Variants in IDH2 observed in about 807,000 individuals in gnomAD.
IDH2 encodes isocitrate dehydrogenase (NADP(+)) 2.
IDH2 carries 18 observed loss-of-function variants against 50.5 expected under a neutral mutation model. The ratio of observed to expected loss-of-function variants is 0.36; its 90% CI spans 0.25 to 0.53. The LOEUF is 0.53. Ranked by LOEUF, IDH2 falls within the 20% of genes least tolerant of loss-of-function variation. The pLI, the probability that IDH2 is intolerant of heterozygous loss-of-function variation, is 0.92. For missense variants in IDH2, 518 were observed against 610.7 expected (o/e 0.85, Z 1.60); for synonymous variants, 280 against 239.8 (o/e 1.17, Z -1.55).
intron 5 of IDH2, among the ~76,000 whole-genome samples, chr15:90,088,015 G>GA (rs1281816996): frequency 1.3e-5 from 2 of 151,774 alleles, no homozygotes; most frequent in Non-Finnish European, 2.9e-5. Flanking sequence ...TGGAACTGGG[G>GA]ATAAAGAGGC....
chr15:90,099,414 A>T (rs777480254), intron 1 of IDH2, among the ~76,000 whole-genome samples: 5 of 152,056 alleles, frequency 3.3e-5, no homozygotes, highest in Non-Finnish European at 7.3e-5. Flanking sequence ...TGGCTGCCCT[A>T]TACAAACTTT....
At chr15:90,087,084 C>A (rs769097040) in intron 7 of IDH2, 28 bp downstream of exon 7, 4 of 1,613,314 alleles carry the variant, frequency 2.5e-6, no homozygotes, top group South Asian at 1.1e-5. Flanking sequence ...AGTCCACCCC[C>A]ACAGGGAGCA....
At chr15:90,092,857 G>C (rs887040354) in intron 1 of IDH2, among the ~76,000 whole-genome samples, 1 of 152,212 alleles carries the variant, frequency 6.6e-6, no homozygotes, top group African/African-American at 2.4e-5. Context: ...GGGATTACAG[G>C]CGTGAGCCAC....
rs542234186 is a variant in IDH2 at position 90,089,018 on chromosome 15, G to A, written c.374-271C>T. On this transcript the variant is annotated intron_variant, in intron 3 of 10. Coordinates refer to ENST00000330062, the MANE Select transcript of IDH2 (RefSeq NM_002168.4). ...CAACCTCTGCCTCCTGGGTTCAAGC[G>A]GTTCTCCTGCCTCAGCCTCCCGAGC... 4.0e-5 allele frequency among the ~76,000 whole-genome samples: 6 copies of A among 150,280 alleles called. No individual in the cohort carries two copies. The East Asian group carries it at 5.9e-4, about 15-fold the overall frequency.
chr15:90,084,477 ACAGGCCAGAGGCC>A lies in IDH2; in HGVS notation c.1272-137_1272-125del. 1.1e-6 allele frequency: 1 copy of A among 884,686 alleles called. No homozygotes were observed. Among genetic ancestry groups the A allele is most frequent in the Non-Finnish European group, 1.8e-6 (1 of 549,954 alleles). 54.8% of individuals were successfully genotyped at this position (884,686 alleles called of 1,614,324 possible). ...ACAGCCATCTCCTGCCACCCAGACT[ACAGGCCAGAGGCC>A]AGCTATAGCCCCCTACCATGAGGCC... On this transcript the variant is annotated intron_variant, in intron 10 of 10. Transcript: ENST00000330062. The surrounding 1 kb of genome is among the most constrained non-coding windows in gnomAD (Gnocchi z 5.0).
rs1372331763 is a variant in IDH2, at chr15:90,085,731, C to T, written c.968-344G>A. 6.6e-6 allele frequency among the ~76,000 whole-genome samples: 1 copy of T among 152,258 alleles called. No individual in the cohort carries two copies. The highest frequency in any genetic ancestry group is 1.5e-5 in the Non-Finnish European group (1 of 68,048). The stretch of plus-strand genomic sequence containing the variant: ...CCACAGCCTGCCACCCAGCCTGGCT[C>T]GTGACCCGGAGGCACATTCAAGGAA... On this transcript the variant is annotated intron_variant, in intron 7 of 10. Transcript: ENST00000330062. This position sits in a 1 kb window ranked among gnomAD's most constrained non-coding sequence, Gnocchi z 5.5.
rs367982647 is a variant in IDH2, at chr15:90,088,397, C to T, written c.640G>A (p.Ala214Thr). 39 of 1,614,028 alleles carry T rather than the reference C, an allele frequency of 2.4e-5. 1 individual carries two copies. Among genetic ancestry groups the T allele is most frequent in the South Asian group, 1.3e-4 (12 of 91,088 alleles). ...VKEWEVYNFPAGGVGMGMYNT... is the reference protein window; with the variant it reads ...VKEWEVYNFPTGGVGMGMYNT... ...TACATGCCCATGCCCACGCCGCCTG[C>T]GGGGAAGTTGTACACTTCCCACTCC... Residue 214 changes from alanine (A) to threonine (T), a missense_variant, in exon 5 of 11, where the codon GCA (alanine) becomes ACA (threonine). Around this residue, in one of 5 missense-constraint regions of IDH2, gnomAD observed 207 missense variants for 208.6 expected, o/e 0.99. Transcript: ENST00000330062.
In IDH2 at chr15:90,100,638, A is replaced by G; in HGVS notation, c.115+1638T>C. Reference sequence around the variant, plus strand: ...TTGCAAAATAGGAAAAGATGCGTGCAGGAATTACCAGGCAGCAAAGACACG... The same window carrying G: ...TTGCAAAATAGGAAAAGATGCGTGCGGGAATTACCAGGCAGCAAAGACACG... On this transcript the variant is annotated intron_variant, in intron 1 of 10. Transcript: ENST00000330062. This position sits in a 1 kb window ranked among gnomAD's most constrained non-coding sequence, Gnocchi z 4.1. The G allele has an allele frequency of 1.0e-6, 1 of 985,438 alleles. No homozygotes were observed. The allele number at this position is 985,438 out of a possible 1,614,324, so 61.0% of individuals were successfully genotyped here.
Position 90,088,751 on chromosome 15 carries a change from T to C in IDH2, c.374-4A>G. On this transcript the variant is annotated splice_region_variant and splice_polypyrimidine_tract_variant and intron_variant, in intron 3 of 10. Coordinates refer to ENST00000330062, the MANE Select transcript of IDH2 (RefSeq NM_002168.4). ...CACATCTTCTTCAGCTTGAACTCTG[T>C]GAGGACAGAGATAATAGTGGTCCCA... is the stretch of plus-strand genomic sequence containing the variant. 2 of 1,613,980 alleles carry C rather than the reference T, an allele frequency of 1.2e-6. No individual in the cohort carries two copies. Among genetic ancestry groups the C allele is most frequent in the Non-Finnish European group, 1.7e-6 (2 of 1,180,014 alleles).
At chr15:90,097,149 T>G (rs1237765636) in intron 1 of IDH2, among the ~76,000 whole-genome samples, 5 of 152,220 alleles carry the variant, frequency 3.3e-5, no homozygotes, top group African/African-American at 1.2e-4. Context: ...TTTATTTCCA[T>G]GACGTCAGTT....
At chr15:90,091,002 G>A (rs189225369) in intron 2 of IDH2, among the ~76,000 whole-genome samples, 5 of 152,176 alleles carry the variant, frequency 3.3e-5, no homozygotes, top group Non-Finnish European at 7.3e-5. Flanking sequence ...CTTCTCAAGT[G>A]CTTTGAGATC....
chr15:90,087,363 G>A (rs1900887104), intron 6 of IDH2, 76 bp downstream of exon 6: 6 of 1,611,944 alleles, frequency 3.7e-6, no homozygotes, highest in South Asian at 3.3e-5. Flanking sequence ...CTCTAATAGC[G>A]ACCTTCCCAG....
In IDH2 at chr15:90,085,162, C is replaced by T. The variant is rs1239717083; in HGVS notation, c.1081-64G>A. 4.5e-6 allele frequency: 7 copies of T among 1,560,308 alleles called. No individual in the cohort carries two copies. Among genetic ancestry groups the T allele is most frequent in the Non-Finnish European group, 6.2e-6 (7 of 1,133,436 alleles). On this transcript the variant is annotated intron_variant, in intron 8 of 10. Coordinates refer to ENST00000330062, the MANE Select transcript of IDH2 (RefSeq NM_002168.4). This position sits in a 1 kb window ranked among gnomAD's most constrained non-coding sequence, Gnocchi z 5.5. ...AGCTAGTGAGGAGGCTGCCCAGATACAGCTGCCCGCCCCTGGGCTGGTGGG... is the reference window on the plus strand; with the variant it reads ...AGCTAGTGAGGAGGCTGCCCAGATATAGCTGCCCGCCCCTGGGCTGGTGGG...
Position 90,085,394 on chromosome 15 carries a change from G to A in IDH2, c.968-7C>T, listed in dbSNP as rs1164903104. Reference sequence around the variant, plus strand: ...AGGCCAAGGGAGCCAAAGCCTGGAGGGTAGAAAGCCTTTCTCTCAGGGCCT... The same window carrying A: ...AGGCCAAGGGAGCCAAAGCCTGGAGAGTAGAAAGCCTTTCTCTCAGGGCCT... On this transcript the variant is annotated splice_region_variant and splice_polypyrimidine_tract_variant and intron_variant, in intron 7 of 10. Transcript: ENST00000330062. This position sits in a 1 kb window ranked among gnomAD's most constrained non-coding sequence, Gnocchi z 5.5. 2.6e-6 allele frequency: 4 copies of A among 1,547,772 alleles called. No individual in the cohort carries two copies. The highest frequency in any genetic ancestry group is 3.5e-6 in the Non-Finnish European group (4 of 1,142,720).
At chr15:90,088,017 T>C (rs900864924) in intron 5 of IDH2, among the ~76,000 whole-genome samples, 4 of 152,066 alleles carry the variant, frequency 2.6e-5, no homozygotes, top group African/African-American at 4.8e-5. Flanking sequence ...GAACTGGGGA[T>C]AAAGAGGCAT....
rs566323060 is a variant in IDH2, at chr15:90,096,151, T to A, written c.116-4507A>T. Among the ~76,000 whole-genome samples the A allele has an allele frequency of 7.8e-4, 118 of 151,956 alleles. 1 individual carries two copies. The highest frequency in any genetic ancestry group is 8.3e-4 in the South Asian group (4 of 4,808). Reference sequence around the variant, plus strand: ...GTGTCTACTAAAAATAGAAAAAAAATTAGCCTGGTGTGGTGACACACACCT... The same window carrying A: ...GTGTCTACTAAAAATAGAAAAAAAAATAGCCTGGTGTGGTGACACACACCT... On this transcript the variant is annotated intron_variant, in intron 1 of 10. Coordinates refer to ENST00000330062, the MANE Select transcript of IDH2 (RefSeq NM_002168.4).
In IDH2 at chr15:90,084,552, C is replaced by T. The variant is rs182292189; in HGVS notation, c.1272-199G>A. ...GCAGGCACCCGCAGGGTCTGTCTTG[C>T]CAGGTAACTGCTCTCCTGAGAGAAG... On this transcript the variant is annotated intron_variant, in intron 10 of 10. Coordinates refer to ENST00000330062, the MANE Select transcript of IDH2 (RefSeq NM_002168.4). The surrounding 1 kb of genome is among the most constrained non-coding windows in gnomAD (Gnocchi z 5.0). Among the ~76,000 whole-genome samples the T allele has an allele frequency of 7.2e-5, 11 of 152,082 alleles. 1 individual carries two copies. The highest frequency in any genetic ancestry group is 5.9e-4 in the Admixed American group (9 of 15,270).
At chr15:90,088,832 CG>C (rs1330843926) in intron 3 of IDH2, 85 bp from the exon 4 acceptor site, 2 of 1,454,154 alleles carry the variant, frequency 1.4e-6, no homozygotes, top group Non-Finnish European at 1.9e-6. Flanking sequence ...CACAGCCAGA[CG>C]GGGGTCCTAA....
intron 1 of IDH2, among the ~76,000 whole-genome samples, chr15:90,092,273 CTGGCCCCTGG>C (rs1434969088): frequency 6.6e-6 from 1 of 152,232 alleles, no homozygotes; most frequent in Non-Finnish European, 1.5e-5. Context: ...TTCCATGAAA[CTGGCCCCTGG>C]TGCCAAAAAC....
Sources: gnomAD v4.1 joint callset for allele counts (sites outside exome capture counted in the v4.1 genomes callset) on GRCh38, gnomAD v4.1.1 for gene constraint, gnomAD v4.1.1 regional missense constraint, Gnocchi (gnomAD v3.1) non-coding constraint, MANE v1.5 for transcripts, NCBI Gene and HGNC (gene_info 2026-07-23, HGNC 2026-07-21) for gene names.